KIF5C: variants seen among roughly 807,000 people sequenced by gnomAD.
KIF5C encodes kinesin heavy chain isoform 5C.
Under a neutral mutation model 125.2 loss-of-function variants are expected in KIF5C, and 18 were observed. That is an observed-to-expected ratio of 0.14 (90% CI 0.10 to 0.21). The LOEUF is 0.21. KIF5C is among the 10% of genes least tolerant of loss of function. The probability of loss-of-function intolerance (pLI) is 1.00; values close to 1 mark genes in which losing one functional copy is unlikely to be tolerated. For missense variants in KIF5C, 780 were observed against 1,183.8 expected (o/e 0.66, Z 5.01); for synonymous variants, 405 against 434.0 (o/e 0.93, Z 0.83).
intron 1 of KIF5C, among the ~76,000 whole-genome samples, chr2:148,904,212 G>A (rs188329403): frequency 6.6e-6 from 1 of 152,320 alleles, no homozygotes; most frequent in East Asian, 1.9e-4. Flanking sequence ...GTGCTTAAGA[G>A]CAGCAGGCTA....
chr2:148,919,059 T>G (rs1681676246), intron 1 of KIF5C, among the ~76,000 whole-genome samples: 1 of 152,216 alleles, frequency 6.6e-6, no homozygotes, highest in Non-Finnish European at 1.5e-5. Context: ...TACTCAGATA[T>G]GGAGGGCTTG....
rs576131784 is a variant in KIF5C, at chr2:149,000,354, C to T, written c.2211-69C>T. ...AGCTAATAGGGTTGGAACAGAACCACGGTTTTAGCCTGATGACTCAGAATT... is the reference window on the plus strand; with the variant it reads ...AGCTAATAGGGTTGGAACAGAACCATGGTTTTAGCCTGATGACTCAGAATT... On this transcript the variant is annotated intron_variant, in intron 19 of 25. Transcript: ENST00000435030. 250 of 1,521,932 alleles carry T rather than the reference C, an allele frequency of 1.6e-4. No individual in the cohort carries two copies. The African/African-American group carries it at 1.7e-3, about 10-fold the overall frequency. The allele number at this position is 1,521,932 out of a possible 1,614,324, so 94.3% of individuals were successfully genotyped here.
chr2:148,909,946 T>C (rs1681266342), intron 1 of KIF5C, among the ~76,000 whole-genome samples: 2 of 152,240 alleles, frequency 1.3e-5, no homozygotes, highest in Non-Finnish European at 2.9e-5. Flanking sequence ...GATATTATAA[T>C]GCTAACCTTG....
At chr2:148,908,672 T>C (rs1681210417) in intron 1 of KIF5C, among the ~76,000 whole-genome samples, 1 of 152,206 alleles carries the variant, frequency 6.6e-6, no homozygotes, top group Admixed American at 6.5e-5. Flanking sequence ...CTCCCCATTG[T>C]ACCTGCTTTT....
intron 24 of KIF5C, among the ~76,000 whole-genome samples, chr2:149,010,767 C>G (rs532468239): frequency 6.6e-6 from 1 of 152,190 alleles, no homozygotes; most frequent in African/African-American, 2.4e-5. Flanking sequence ...CCAGGGAAAG[C>G]CTCCAAGTGC....
intron 15 of KIF5C, among the ~76,000 whole-genome samples, chr2:148,990,291 T>C (rs1461385381): frequency 6.6e-6 from 1 of 152,200 alleles, no homozygotes; most frequent in African/African-American, 2.4e-5. Flanking sequence ...TTTTCTAAGG[T>C]GGATTTAGAC....
At chr2:148,936,110 G>A (rs977198599) in intron 3 of KIF5C, among the ~76,000 whole-genome samples, 5 of 152,020 alleles carry the variant, frequency 3.3e-5, no homozygotes, top group East Asian at 1.9e-4. Context: ...GCAACACTGC[G>A]AAACCTCATC....
intron 22 of KIF5C, 49 bp downstream of exon 22, chr2:149,005,513 AG>A: frequency 1.2e-6 from 2 of 1,601,028 alleles, no homozygotes; most frequent in Non-Finnish European, 1.7e-6. Context: ...CAAAGATGGC[AG>A]GGAAGAATCA....
intron 1 of KIF5C, among the ~76,000 whole-genome samples, chr2:148,917,227 T>C (rs1053063479): frequency 2.6e-5 from 4 of 152,228 alleles, no homozygotes; most frequent in Non-Finnish European, 5.9e-5. Flanking sequence ...ACCTTCATGG[T>C]TAACACTTTC....
At chr2:148,995,980 C>A (rs1681659932) in intron 17 of KIF5C, among the ~76,000 whole-genome samples, 1 of 151,988 alleles carries the variant, frequency 6.6e-6, no homozygotes, top group African/African-American at 2.4e-5. Flanking sequence ...CATGGTGAAA[C>A]CCTGTCTCTA....
chr2:148,910,818 T>C (rs1681305592), intron 1 of KIF5C, among the ~76,000 whole-genome samples: 1 of 152,098 alleles, frequency 6.6e-6, no homozygotes, highest in African/African-American at 2.4e-5. Flanking sequence ...CTTGTACAAG[T>C]CTAGGCAAAA....
At chr2:148,938,571 G>A (rs1682339840) in intron 4 of KIF5C, among the ~76,000 whole-genome samples, 1 of 152,094 alleles carries the variant, frequency 6.6e-6, no homozygotes, top group African/African-American at 2.4e-5. Context: ...AAATTCCCTT[G>A]GGCAGGGACT....
chr2:148,998,432 G>T lies in KIF5C; in HGVS notation c.2133G>T (p.Arg711=). ...TGGAGCAGCAGATGGAGAGCCACCGGGAAGCTCACCAGAAGCAGCTGTCCA... is the reference window on the plus strand; with the variant it reads ...TGGAGCAGCAGATGGAGAGCCACCGTGAAGCTCACCAGAAGCAGCTGTCCA... ...KALEQQMESH[R]EAHQKQLSRL... Residue 711 remains arginine, a synonymous_variant, in exon 19 of 26, where the codon CGG becomes CGT. Coordinates refer to ENST00000435030, the MANE Select transcript of KIF5C (RefSeq NM_004522.3). 6.4e-7 allele frequency: 1 copy of T among 1,567,192 alleles called. No homozygotes were observed. The highest frequency in any genetic ancestry group is 8.7e-7 in the Non-Finnish European group (1 of 1,155,820).
intron 11 of KIF5C, among the ~76,000 whole-genome samples, chr2:148,969,893 T>A (rs939676727): frequency 2.0e-5 from 3 of 152,176 alleles, no homozygotes; most frequent in Non-Finnish European, 4.4e-5. Context: ...CTTCTGGAAG[T>A]CATTTTCTCG....
Position 148,998,831 on chromosome 2 carries a change from C to CA in KIF5C, c.2210+340dup, listed in dbSNP as rs58960407. On this transcript the variant is annotated intron_variant, in intron 19 of 25. Transcript: ENST00000435030. ...GGGGGAGCATCTGTAATGAAAGCAC[C>CA]AAAAAAAAAAAAAAAAAAGAAAAGA... 5,040 of 61,994 alleles carry CA rather than the reference C, an allele frequency of 0.081. 189 individuals are homozygous for CA. Among genetic ancestry groups the CA allele is most frequent in the African/African-American group, 0.19 (3,045 of 16,140 alleles). 3.8% of individuals were successfully genotyped at this position (61,994 alleles called of 1,614,324 possible). A position where few individuals can be genotyped will look rare whatever the true frequency, so the allele number is the denominator to read the frequency against.
At chr2:148,960,843 A>G (rs1407991717) in intron 10 of KIF5C, among the ~76,000 whole-genome samples, 2 of 152,266 alleles carry the variant, frequency 1.3e-5, no homozygotes, top group Non-Finnish European at 2.9e-5. Context: ...GAAAAAGTCA[A>G]TAGCAAATAA....
intron 4 of KIF5C, among the ~76,000 whole-genome samples, chr2:148,939,331 T>C (rs1329948086): frequency 6.6e-6 from 1 of 152,218 alleles, no homozygotes. Flanking sequence ...AGGATTCCTT[T>C]TGTTGGCTAA....
intron 1 of KIF5C, among the ~76,000 whole-genome samples, chr2:148,900,311 C>T (rs1250889200): frequency 6.6e-6 from 1 of 152,142 alleles, no homozygotes; most frequent in African/African-American, 2.4e-5. Flanking sequence ...ATTGCCTCAC[C>T]ATTTTCTATT....
chr2:148,905,593 G>C (rs978459413), intron 1 of KIF5C, among the ~76,000 whole-genome samples: 28 of 152,182 alleles, frequency 1.8e-4, no homozygotes, highest in Non-Finnish European at 3.7e-4. Context: ...AGCACAGTGA[G>C]TTGAGGTAGA....
Sources: gnomAD v4.1 joint callset for allele counts (sites outside exome capture counted in the v4.1 genomes callset) on GRCh38, gnomAD v4.1.1 for gene constraint, MANE v1.5 for transcripts, NCBI Gene and HGNC (gene_info 2026-07-23, HGNC 2026-07-21) for gene names.